Variants in UGT1A9 observed in about 807,000 individuals in gnomAD.
The protein encoded by UGT1A9 is UDP glucuronosyltransferase family 1 member A9.
UGT1A9 carries 35 observed loss-of-function variants against 45.0 expected under a neutral mutation model. The observed-to-expected ratio is 0.78, with a 90% CI of 0.59 to 1.03. The LOEUF (loss-of-function observed/expected upper bound fraction) is 1.03, where lower values mean the gene tolerates loss of function less well. Ranked by LOEUF, UGT1A9 falls within the 50% of genes least tolerant of loss-of-function variation. The probability of loss-of-function intolerance (pLI) is 0.00; values close to 1 mark genes in which losing one functional copy is unlikely to be tolerated. For synonymous variants in UGT1A9, 278 were observed against 250.6 expected (o/e 1.11, Z -1.03); for missense variants, 687 against 666.6 (o/e 1.03, Z -0.34).
intron 1 of UGT1A9, among the ~76,000 whole-genome samples, chr2:233,736,821 G>A (rs1368702103): frequency 6.6e-6 from 1 of 152,198 alleles, no homozygotes; most frequent in Non-Finnish European, 1.5e-5. Flanking sequence ...CACTCCAGAT[G>A]CTCTTTGCTT....
At chr2:233,681,360 C>T (rs1395984620) in intron 1 of UGT1A9, among the ~76,000 whole-genome samples, 1 of 151,620 alleles carries the variant, frequency 6.6e-6, no homozygotes, top group Non-Finnish European at 1.5e-5. Context: ...ATGGTGAAAC[C>T]CCGTCTCCAC....
chr2:233,679,713 C>A (rs375642395), intron 1 of UGT1A9, among the ~76,000 whole-genome samples: 1 of 152,142 alleles, frequency 6.6e-6, no homozygotes. Context: ...GTTATCTGGA[C>A]AATTTTAAAG....
chr2:233,738,299 G>A (rs1452652479), intron 1 of UGT1A9, among the ~76,000 whole-genome samples: 1 of 152,208 alleles, frequency 6.6e-6, no homozygotes, highest in Non-Finnish European at 1.5e-5. Flanking sequence ...TCTTGGGTAT[G>A]TCTTTATAGC....
chr2:233,760,293 T>A (rs1359528738), intron 1 of UGT1A9: 1 of 1,613,450 alleles, frequency 6.2e-7, no homozygotes, highest in South Asian at 1.1e-5. Flanking sequence ...GCGCCATGGC[T>A]GTGGAGTCCC....
intron 1 of UGT1A9, among the ~76,000 whole-genome samples, chr2:233,714,198 A>C (rs2125637992): frequency 6.6e-6 from 1 of 152,336 alleles, no homozygotes; most frequent in South Asian, 2.1e-4. Context: ...CTACACTGAG[A>C]ACTGATCCAT....
At chr2:233,690,759 AT>A (rs1559344493) in intron 1 of UGT1A9, 32 of 285,874 alleles carry the variant, frequency 1.1e-4, no homozygotes, top group Middle Eastern at 1.4e-3. Context: ...CAGTGCAGAC[AT>A]ACACACACAC....
chr2:233,703,218 C>G (rs1053739567), intron 1 of UGT1A9, among the ~76,000 whole-genome samples: 7 of 152,130 alleles, frequency 4.6e-5, no homozygotes, highest in Non-Finnish European at 1.0e-4. Context: ...TCTAAGTTAT[C>G]TAATTCCTTG....
At chr2:233,693,800 C>T (rs1424958216) in intron 1 of UGT1A9, 1 of 1,614,174 alleles carries the variant, frequency 6.2e-7, no homozygotes, top group Non-Finnish European at 8.5e-7. Flanking sequence ...ATATCCTAGG[C>T]CGGTCATGCC....
intron 1 of UGT1A9, chr2:233,713,976 T>C: frequency 6.3e-7 from 1 of 1,596,898 alleles, no homozygotes; most frequent in Non-Finnish European, 8.5e-7. Flanking sequence ...TTTCTGCTTC[T>C]CATTGTTGTA....
chr2:233,729,923 C>G (rs760546149), intron 1 of UGT1A9: 1 of 1,614,016 alleles, frequency 6.2e-7, no homozygotes, highest in Non-Finnish European at 8.5e-7. Flanking sequence ...ATGGACTACC[C>G]CAGGCCAATC....
intron 1 of UGT1A9, chr2:233,729,360 A>G (rs17868336): frequency 0.038 from 60,794 of 1,614,118 alleles, 1,450 homozygotes; most frequent in Non-Finnish European, 0.047. Flanking sequence ...TCACCCTGAC[A>G]ACCTATGCCA....
intron 1 of UGT1A9, chr2:233,693,698 C>A (rs2075175410): frequency 6.2e-7 from 1 of 1,614,222 alleles, no homozygotes; most frequent in Non-Finnish European, 8.5e-7. Context: ...GTATGAAGAA[C>A]TCGCATCAGC....
At chr2:233,760,630 A>G (rs759620086) in intron 1 of UGT1A9, 1 of 1,614,164 alleles carries the variant, frequency 6.2e-7, no homozygotes, top group South Asian at 1.1e-5. Flanking sequence ...AACATACAAG[A>G]AAATAAAAAA....
At chr2:233,751,910 A>T (rs1006806920) in intron 1 of UGT1A9, among the ~76,000 whole-genome samples, 1 of 152,180 alleles carries the variant, frequency 6.6e-6, no homozygotes. Flanking sequence ...AGAACAGACT[A>T]ATACAAGATT....
chr2:233,681,812 T>A (rs2074540726), intron 1 of UGT1A9: 3 of 1,444,690 alleles, frequency 2.1e-6, no homozygotes, highest in Non-Finnish European at 2.8e-6. Context: ...TGAATGTGAA[T>A]TTTTTTTTAA....
chr2:233,683,575 C>T (rs1414087117), intron 1 of UGT1A9, among the ~76,000 whole-genome samples: 1 of 152,106 alleles, frequency 6.6e-6, no homozygotes, highest in Non-Finnish European at 1.5e-5. Flanking sequence ...TTACATCTTC[C>T]TACTCAAGAA....
chr2:233,675,784 A>T, intron 1 of UGT1A9, among the ~76,000 whole-genome samples: 1 of 152,352 alleles, frequency 6.6e-6, no homozygotes, highest in Admixed American at 6.5e-5. Flanking sequence ...TTAAAAATAA[A>T]TTTGTATGTT....
At chr2:233,763,334 A>C (rs1454444157) in intron 1 of UGT1A9, among the ~76,000 whole-genome samples, 1 of 152,148 alleles carries the variant, frequency 6.6e-6, no homozygotes, top group Non-Finnish European at 1.5e-5. Flanking sequence ...TTTTGTTTAC[A>C]TTTCCCTAGC....
intron 1 of UGT1A9, chr2:233,721,605 A>G: frequency 5.6e-6 from 1 of 177,388 alleles, no homozygotes; most frequent in Non-Finnish European, 1.2e-5. Context: ...AGGTTTAGGA[A>G]CAATTTGTTC....
Sources: allele counts gnomAD v4.1 joint callset (sites outside exome capture counted in the v4.1 genomes callset), GRCh38; gene constraint gnomAD v4.1.1; transcripts MANE v1.5; gene names NCBI Gene and HGNC (gene_info 2026-07-23, HGNC 2026-07-21).